Variants in PPP2R2B observed in about 807,000 individuals in gnomAD.
PPP2R2B encodes protein phosphatase 2 regulatory subunit Bbeta, also known as serine/threonine-protein phosphatase 2A 55 kDa regulatory subunit B beta isoform.
PPP2R2B carries 5 observed loss-of-function variants against 46.0 expected under a neutral mutation model. That is an observed-to-expected ratio of 0.11 (90% confidence interval 0.06 to 0.23). PPP2R2B has a LOEUF of 0.23. Among genes scored for constraint, PPP2R2B ranks in the 10% least tolerant of loss-of-function variants. PPP2R2B has a pLI of 1.00. For synonymous variants in PPP2R2B, 215 were observed against 206.7 expected (o/e 1.04, Z -0.34); for missense variants, 367 against 575.0 (o/e 0.64, Z 3.70).
In PPP2R2B at chr5:146,623,082, T is replaced by G. The variant is rs77862837; in HGVS notation, c.790+15169A>C. 4.4e-3 allele frequency among the ~76,000 whole-genome samples: 677 copies of G among 152,354 alleles called. 7 individuals are homozygous for G. The highest frequency in any genetic ancestry group is 0.016 in the African/African-American group (651 of 41,586). On this transcript the variant is annotated intron_variant, in intron 7 of 9. Coordinates refer to ENST00000394411, the MANE Select transcript of PPP2R2B (RefSeq NM_181675.4). ...ATGTCAGGGATGGCCCTTGGAATCT[T>G]CCGGTACTTAATAACCTCCCTAGGG...
In PPP2R2B at chr5:146,932,517, C is replaced by T. The variant is rs755358514; in HGVS notation, c.79+123148G>A. Among the ~76,000 whole-genome samples, 52 of 152,156 alleles carry T rather than the reference C, an allele frequency of 3.4e-4. 1 individual carries two copies. The highest frequency in any genetic ancestry group is 1.1e-3 in the African/African-American group (44 of 41,436). Reference sequence around the variant, plus strand: ...TGGCACTTTTTCTTGTCTGCTGCCACGTAAGACAGGCCTTTGCTTCTCCTT... The same window carrying T: ...TGGCACTTTTTCTTGTCTGCTGCCATGTAAGACAGGCCTTTGCTTCTCCTT... On this transcript the variant is annotated intron_variant, in intron 1 of 8. Coordinates refer to the PPP2R2B transcript ENST00000336640.
chr5:146,599,851 A>G (rs923361811), intron 8 of PPP2R2B, among the ~76,000 whole-genome samples: 1 of 152,042 alleles, frequency 6.6e-6, no homozygotes, highest in African/African-American at 2.4e-5. Context: ...TCCTGCGTCC[A>G]TGTGAACACA....
intron 1 of PPP2R2B, among the ~76,000 whole-genome samples, chr5:146,903,185 T>C (rs1400958019): frequency 6.6e-6 from 1 of 152,202 alleles, no homozygotes; most frequent in Non-Finnish European, 1.5e-5. Context: ...TTGATGTTAA[T>C]ATGTAATGAG....
chr5:147,008,643 CCTCTT>C (rs968906703), intron 1 of PPP2R2B, among the ~76,000 whole-genome samples: 24 of 152,286 alleles, frequency 1.6e-4, no homozygotes, highest in African/African-American at 5.3e-4. Context: ...TCAAGAGTCA[CCTCTT>C]CTAAGAGGCC....
chr5:146,619,491 C>T (rs1743196681), intron 7 of PPP2R2B, among the ~76,000 whole-genome samples: 1 of 152,002 alleles, frequency 6.6e-6, no homozygotes, highest in South Asian at 2.1e-4. Flanking sequence ...AAAACAAAAC[C>T]ATAAAGGGGC....
intron 2 of PPP2R2B, among the ~76,000 whole-genome samples, chr5:146,767,627 T>C (rs545768908): frequency 1.2e-4 from 18 of 152,088 alleles, no homozygotes; most frequent in Non-Finnish European, 2.2e-4. Flanking sequence ...GTACAAGCTA[T>C]AGAGATTTCC....
At chr5:146,714,507 G>GA (rs1239004128) in intron 2 of PPP2R2B, among the ~76,000 whole-genome samples, 1 of 151,820 alleles carries the variant, frequency 6.6e-6, no homozygotes, top group Non-Finnish European at 1.5e-5. Flanking sequence ...CAACTGCCAG[G>GA]AAAAAAATAA....
At chr5:146,649,313 A>G (rs1341337545) in intron 6 of PPP2R2B, among the ~76,000 whole-genome samples, 2 of 152,178 alleles carry the variant, frequency 1.3e-5, no homozygotes, top group African/African-American at 4.8e-5. Context: ...TAGGTTTGTG[A>G]GAAATGGAGC....
At chr5:146,938,133 A>G (rs1764213717) in intron 1 of PPP2R2B, among the ~76,000 whole-genome samples, 1 of 152,160 alleles carries the variant, frequency 6.6e-6, no homozygotes, top group South Asian at 2.1e-4. Context: ...CCAACACACT[A>G]TTGATTATAG....
intron 2 of PPP2R2B, among the ~76,000 whole-genome samples, chr5:146,846,684 A>T (rs1203919096): frequency 6.6e-6 from 1 of 152,206 alleles, no homozygotes; most frequent in Non-Finnish European, 1.5e-5. Flanking sequence ...TCTCAAAAAA[A>T]AAAATTAATT....
chr5:146,643,183 C>CGAGAGA (rs150316003), intron 6 of PPP2R2B, among the ~76,000 whole-genome samples: 9 of 148,492 alleles, frequency 6.1e-5, no homozygotes, highest in South Asian at 2.2e-4. Flanking sequence ...CACACACACA[C>CGAGAGA]GAGAGAGAGA....
chr5:146,856,946 G>A (rs1760709201), intron 2 of PPP2R2B, among the ~76,000 whole-genome samples: 1 of 152,128 alleles, frequency 6.6e-6, no homozygotes, highest in Admixed American at 6.5e-5. Context: ...GTGGAGCCTG[G>A]AACCTTGTAT....
At chr5:146,601,309 G>A (rs965923338) in intron 7 of PPP2R2B, among the ~76,000 whole-genome samples, 2 of 152,122 alleles carry the variant, frequency 1.3e-5, no homozygotes, top group Non-Finnish European at 2.9e-5. Context: ...GTTTAATAGT[G>A]AAACTTTGGC....
chr5:146,941,426 C>G (rs796466942), intron 1 of PPP2R2B, among the ~76,000 whole-genome samples: 1 of 152,114 alleles, frequency 6.6e-6, no homozygotes, highest in South Asian at 2.1e-4. Flanking sequence ...ATCAATAAGA[C>G]AGATCTCTGG....
intron 2 of PPP2R2B, among the ~76,000 whole-genome samples, chr5:146,803,392 A>G (rs2151308018): frequency 6.6e-6 from 1 of 152,336 alleles, no homozygotes; most frequent in South Asian, 2.1e-4. Flanking sequence ...ACACTTTTAA[A>G]GATAAAGGTC....
intron 5 of PPP2R2B, among the ~76,000 whole-genome samples, chr5:146,673,159 T>C (rs1561820658): frequency 6.6e-6 from 1 of 152,230 alleles, no homozygotes; most frequent in Non-Finnish European, 1.5e-5. Flanking sequence ...AGGCACAGTG[T>C]TGTTATCAAA....
chr5:146,590,532 G>A (rs1770529492), intron 9 of PPP2R2B, among the ~76,000 whole-genome samples: 1 of 151,634 alleles, frequency 6.6e-6, no homozygotes, highest in Non-Finnish European at 1.5e-5. Flanking sequence ...GCTCAGAAAA[G>A]GTGTCCACTG....
chr5:146,724,739 A>C (rs1405923620), intron 2 of PPP2R2B, among the ~76,000 whole-genome samples: 1 of 152,170 alleles, frequency 6.6e-6, no homozygotes, highest in Non-Finnish European at 1.5e-5. Context: ...TATCTTTGAA[A>C]AAATTCTGAA....
At chr5:146,740,966 G>A (rs1581995784) in intron 2 of PPP2R2B, among the ~76,000 whole-genome samples, 1 of 151,838 alleles carries the variant, frequency 6.6e-6, no homozygotes, top group Non-Finnish European at 1.5e-5. Context: ...GAACCCGGGA[G>A]GCGGAGGTGG....
Sources: allele counts gnomAD v4.1 joint callset (sites outside exome capture counted in the v4.1 genomes callset), GRCh38; gene constraint gnomAD v4.1.1; transcripts MANE v1.5; gene names NCBI Gene and HGNC (gene_info 2026-07-23, HGNC 2026-07-21).